The following TENM3 variants were observed in gnomAD, a reference collection of about 807,000 sequenced individuals.
The protein encoded by TENM3 is teneurin transmembrane protein 3, also known as teneurin-3.
In TENM3, 63 loss-of-function variants were observed where a neutral mutation model predicts 255.1. That is an observed-to-expected ratio of 0.25 (90% CI 0.20 to 0.30). The LOEUF is 0.30. Among genes scored for constraint, TENM3 ranks in the 10% least tolerant of loss-of-function variants. The pLI is 1.00. For synonymous variants in TENM3, 1,306 were observed against 1,322.3 expected (o/e 0.99, Z 0.27); for missense variants, 2,929 against 3,461.1 (o/e 0.85, Z 3.86).
At chr4:182,737,257 G>T (rs1326432688) in intron 17 of TENM3, among the ~76,000 whole-genome samples, 182 bp downstream of exon 17, 1 of 152,152 alleles carries the variant, frequency 6.6e-6, no homozygotes, top group African/African-American at 2.4e-5. Flanking sequence ...ACTCCATGTG[G>T]CAAGAAGAAG....
intron 1 of TENM3, among the ~76,000 whole-genome samples, chr4:182,267,730 A>G (rs1157649524): frequency 6.6e-6 from 1 of 151,708 alleles, no homozygotes; most frequent in Non-Finnish European, 1.5e-5. Context: ...AAAAAAAAAA[A>G]GCTTATGTGA....
chr4:181,723,051 G>A, the TENM3 span, among the ~76,000 whole-genome samples: 10 of 152,118 alleles, frequency 6.6e-5, no homozygotes, highest in Admixed American at 2.0e-4. Context: ...ACACTGACTC[G>A]ATAAAATGTG....
At chr4:182,753,174 C>A (rs1228135026) in intron 20 of TENM3, among the ~76,000 whole-genome samples, 3 of 152,154 alleles carry the variant, frequency 2.0e-5, no homozygotes, top group Non-Finnish European at 4.4e-5. Flanking sequence ...TCTCGAACTC[C>A]TGAGCTCAGG....
the TENM3 span, among the ~76,000 whole-genome samples, chr4:181,635,546 C>T: frequency 6.6e-6 from 1 of 152,112 alleles, no homozygotes; most frequent in Non-Finnish European, 1.5e-5. Flanking sequence ...CATGCTGATC[C>T]CCAGGAAACC....
At chr4:181,935,134 A>G in the TENM3 span, among the ~76,000 whole-genome samples, 1 of 152,248 alleles carries the variant, frequency 6.6e-6, no homozygotes, top group African/African-American at 2.4e-5. Flanking sequence ...AATTTTCAAG[A>G]TATGCAAAAT....
chr4:181,993,434 C>G, the TENM3 span, among the ~76,000 whole-genome samples: 1 of 152,080 alleles, frequency 6.6e-6, no homozygotes, highest in Non-Finnish European at 1.5e-5. Context: ...TTATAGTAAT[C>G]GTGAGCAACT....
intron 3 of TENM3, among the ~76,000 whole-genome samples, chr4:182,353,895 G>A (rs1189552238): frequency 2.0e-5 from 3 of 151,964 alleles, no homozygotes; most frequent in African/African-American, 7.3e-5. Context: ...AACCCAGGAG[G>A]TGGAGGTTGC....
chr4:182,736,019 C>A (rs968607119), intron 16 of TENM3, among the ~76,000 whole-genome samples: 2 of 152,028 alleles, frequency 1.3e-5, no homozygotes, highest in Admixed American at 6.6e-5. Flanking sequence ...TTGATATGTT[C>A]TATGTGCATT....
chr4:181,992,154 C>T, the TENM3 span, among the ~76,000 whole-genome samples: 1 of 152,068 alleles, frequency 6.6e-6, no homozygotes, highest in Non-Finnish European at 1.5e-5. Flanking sequence ...ATTAAGCATG[C>T]CTTTTTGAAC....
intron 3 of TENM3, among the ~76,000 whole-genome samples, chr4:182,520,212 A>T (rs147168671): frequency 2.0e-4 from 31 of 151,972 alleles, no homozygotes; most frequent in Non-Finnish European, 3.5e-4. Context: ...AGGAATCTTT[A>T]AAAAAAAATT....
the TENM3 span, among the ~76,000 whole-genome samples, chr4:182,071,862 G>A: frequency 5.3e-5 from 8 of 152,024 alleles, no homozygotes; most frequent in South Asian, 8.3e-4. Flanking sequence ...GTACTTCAGG[G>A]CCTTTTAAAT....
At chr4:181,654,647 G>A in the TENM3 span, among the ~76,000 whole-genome samples, 9 of 151,718 alleles carry the variant, frequency 5.9e-5, no homozygotes, top group South Asian at 1.3e-3. Flanking sequence ...CCAGCTACTC[G>A]GGAGGCTGAG....
the TENM3 span, among the ~76,000 whole-genome samples, chr4:181,545,197 C>T: frequency 6.6e-6 from 1 of 152,168 alleles, no homozygotes; most frequent in Non-Finnish European, 1.5e-5. Context: ...TTTGTTTAAT[C>T]CTAGGTTCCT....
At chr4:182,014,151 T>TATATATATAC in the TENM3 span, among the ~76,000 whole-genome samples, 1 of 147,404 alleles carries the variant, frequency 6.8e-6, no homozygotes. Flanking sequence ...CATATATACT[T>TATATATATAC]ATATATATAC....
the TENM3 span, among the ~76,000 whole-genome samples, chr4:181,773,431 G>C: frequency 2.0e-5 from 3 of 152,176 alleles, no homozygotes; most frequent in Non-Finnish European, 4.4e-5. Flanking sequence ...AGGCCTATCT[G>C]TGTATCATTT....
chr4:181,602,151 A>G, the TENM3 span, among the ~76,000 whole-genome samples: 2 of 152,200 alleles, frequency 1.3e-5, no homozygotes, highest in African/African-American at 2.4e-5. Flanking sequence ...ACTAAACAAT[A>G]TCTTTAAAAT....
chr4:181,859,859 G>T, the TENM3 span, among the ~76,000 whole-genome samples: 1 of 152,030 alleles, frequency 6.6e-6, no homozygotes, highest in Non-Finnish European at 1.5e-5. Context: ...ACACCTGTTG[G>T]AGTAAGACAC....
At chr4:182,593,541 A>G (rs1746881507) in intron 3 of TENM3, among the ~76,000 whole-genome samples, 2 of 152,040 alleles carry the variant, frequency 1.3e-5, no homozygotes, top group South Asian at 4.1e-4. Context: ...TCTCCCTTCC[A>G]GATTAGGGTA....
In TENM3 at chr4:182,478,465, A is replaced by G. The variant is rs147697606; in HGVS notation, c.512-122459A>G. Among the ~76,000 whole-genome samples, 730 of 151,850 alleles carry G rather than the reference A, an allele frequency of 4.8e-3. 5 individuals are homozygous for G. The highest frequency in any genetic ancestry group is 8.6e-3 in the Non-Finnish European group (583 of 67,874). Reference sequence around the variant, plus strand: ...CATATGTAGAGTTTTTTTTTTAATAATTAATCTCCTGTAAAGAAGTGTGCC... The same window carrying G: ...CATATGTAGAGTTTTTTTTTTAATAGTTAATCTCCTGTAAAGAAGTGTGCC... On this transcript the variant is annotated intron_variant, in intron 3 of 27. Coordinates refer to ENST00000511685, the MANE Select transcript of TENM3 (RefSeq NM_001080477.4).
Sources: allele counts gnomAD v4.1 joint callset (sites outside exome capture counted in the v4.1 genomes callset), GRCh38; gene constraint gnomAD v4.1.1; transcripts MANE v1.5; gene names NCBI Gene and HGNC (gene_info 2026-07-23, HGNC 2026-07-21).